Variants in MEOX2 observed in about 807,000 individuals in gnomAD.
MEOX2 encodes the protein homeobox protein MOX-2.
A neutral mutation model predicts 27.0 loss-of-function variants in MEOX2; 11 were observed. The observed-to-expected ratio is 0.41, with a 90% confidence interval of 0.26 to 0.68. The LOEUF (loss-of-function observed/expected upper bound fraction) is 0.68, where lower values mean the gene tolerates loss of function less well. Among genes scored for constraint, MEOX2 ranks in the 30% least tolerant of loss-of-function variants. The pLI is 0.33. For missense variants in MEOX2, 436 were observed against 385.4 expected (o/e 1.13, Z -1.10); for synonymous variants, 189 against 155.4 (o/e 1.22, Z -1.61).
chr7:15,617,770 G>A (rs986972610), intron 2 of MEOX2, among the ~76,000 whole-genome samples: 2 of 151,922 alleles, frequency 1.3e-5, no homozygotes, highest in Non-Finnish European at 2.9e-5. Context: ...TAGCACATTG[G>A]GAATCATTTT....
chr7:15,626,546 A>T (rs3779405), intron 2 of MEOX2, among the ~76,000 whole-genome samples, 200 bp downstream of exon 2: 101,720 of 151,610 alleles, frequency 0.67, 34,378 homozygotes, highest in East Asian at 0.81. Flanking sequence ...CTTCAACTCA[A>T]TAAGTATGGT....
intron 1 of MEOX2, among the ~76,000 whole-genome samples, chr7:15,682,624 C>T (rs16878585): frequency 0.16 from 24,701 of 151,592 alleles, 3,907 homozygotes; most frequent in African/African-American, 0.42. Flanking sequence ...CACTGTATAA[C>T]CATGCACAAA....
At chr7:15,621,545 C>T (rs1038125302) in intron 2 of MEOX2, among the ~76,000 whole-genome samples, 15 of 152,080 alleles carry the variant, frequency 9.9e-5, no homozygotes, top group African/African-American at 3.6e-4. Context: ...AATTCAAGTC[C>T]TGAGTGATAT....
intron 1 of MEOX2, among the ~76,000 whole-genome samples, chr7:15,635,786 C>T (rs1213684942): frequency 6.6e-6 from 1 of 151,770 alleles, no homozygotes; most frequent in East Asian, 1.9e-4. Flanking sequence ...TGGTTGGGCC[C>T]CTAAAAGTAT....
chr7:15,612,876 A>G (rs1781055184), intron 2 of MEOX2, among the ~76,000 whole-genome samples: 1 of 152,202 alleles, frequency 6.6e-6, no homozygotes, highest in Admixed American at 6.5e-5. Flanking sequence ...CTAAACAAAA[A>G]CTTTGTCATT....
At chr7:15,678,330 T>C (rs759738446) in intron 1 of MEOX2, among the ~76,000 whole-genome samples, 17 of 152,212 alleles carry the variant, frequency 1.1e-4, no homozygotes, top group Non-Finnish European at 2.1e-4. Flanking sequence ...TGCTAAAGCA[T>C]TATTTATATG....
At chr7:15,636,930 T>G (rs1781488259) in intron 1 of MEOX2, among the ~76,000 whole-genome samples, 1 of 151,856 alleles carries the variant, frequency 6.6e-6, no homozygotes, top group Non-Finnish European at 1.5e-5. Flanking sequence ...GGGAGTGAAA[T>G]CCTCATGACC....
chr7:15,669,050 T>C (rs1463820486), intron 1 of MEOX2, among the ~76,000 whole-genome samples: 2 of 152,174 alleles, frequency 1.3e-5, no homozygotes, highest in African/African-American at 4.8e-5. Context: ...GATTTATTAA[T>C]CTAAAGTAAA....
At chr7:15,647,077 C>T (rs1781663542) in intron 1 of MEOX2, among the ~76,000 whole-genome samples, 1 of 151,884 alleles carries the variant, frequency 6.6e-6, no homozygotes, top group African/African-American at 2.4e-5. Context: ...GCTCATAAGA[C>T]TCATATATTA....
At chr7:15,654,113 C>A (rs749275140) in intron 1 of MEOX2, among the ~76,000 whole-genome samples, 1 of 151,788 alleles carries the variant, frequency 6.6e-6, no homozygotes, top group Non-Finnish European at 1.5e-5. Context: ...GCATGCAGAT[C>A]CTGTGAATGT....
chr7:15,647,828 C>G (rs544098686), intron 1 of MEOX2, among the ~76,000 whole-genome samples: 9 of 152,102 alleles, frequency 5.9e-5, no homozygotes, highest in Middle Eastern at 3.4e-3. Context: ...AAAATGATCA[C>G]TGTTTCTAGG....
At chr7:15,665,602 A>G (rs1031999169) in intron 1 of MEOX2, among the ~76,000 whole-genome samples, 3 of 152,208 alleles carry the variant, frequency 2.0e-5, no homozygotes, top group Non-Finnish European at 4.4e-5. Flanking sequence ...GACCAATTTT[A>G]CCATGTAGTA....
intron 1 of MEOX2, among the ~76,000 whole-genome samples, chr7:15,646,492 C>T (rs142207794): frequency 3.9e-5 from 6 of 151,994 alleles, no homozygotes; most frequent in African/African-American, 1.4e-4. Context: ...TTGAGTTTGA[C>T]AAAGTATAGT....
At chr7:15,667,082 G>C (rs1390914216) in intron 1 of MEOX2, among the ~76,000 whole-genome samples, 1 of 150,920 alleles carries the variant, frequency 6.6e-6, no homozygotes. Context: ...ACAAAGTCAA[G>C]AGATCTAGAC....
intron 2 of MEOX2, among the ~76,000 whole-genome samples, chr7:15,619,338 T>G (rs1781178855): frequency 6.6e-6 from 1 of 151,992 alleles, no homozygotes; most frequent in Non-Finnish European, 1.5e-5. Context: ...AGCAGTACAC[T>G]CTAAGTGATG....
chr7:15,629,605 C>T (rs1053307377), intron 1 of MEOX2, among the ~76,000 whole-genome samples: 7 of 152,136 alleles, frequency 4.6e-5, no homozygotes, highest in Admixed American at 2.0e-4. Flanking sequence ...TGAGAGAGAA[C>T]GTTCATGTAG....
At chr7:15,671,416 GGATT>G (rs1782095203) in intron 1 of MEOX2, among the ~76,000 whole-genome samples, 1 of 152,190 alleles carries the variant, frequency 6.6e-6, no homozygotes, top group East Asian at 1.9e-4. Flanking sequence ...GTTGCAATAT[GGATT>G]GATTTTTACT....
intron 1 of MEOX2, among the ~76,000 whole-genome samples, chr7:15,660,709 A>G (rs1475608401): frequency 6.6e-6 from 1 of 152,146 alleles, no homozygotes; most frequent in Admixed American, 6.5e-5. Context: ...GGTTAAATCC[A>G]CGGTCACCAT....
chr7:15,670,728 C>T (rs921767843), intron 1 of MEOX2, among the ~76,000 whole-genome samples: 2 of 152,130 alleles, frequency 1.3e-5, no homozygotes, highest in African/African-American at 4.8e-5. Flanking sequence ...TGATGCTGAG[C>T]ATATATGTAC....
Sources: allele counts gnomAD v4.1 joint callset (sites outside exome capture counted in the v4.1 genomes callset), GRCh38; gene constraint gnomAD v4.1.1; transcripts MANE v1.5; gene names NCBI Gene and HGNC (gene_info 2026-07-23, HGNC 2026-07-21).